NLGN1: variants seen among roughly 807,000 people sequenced by gnomAD.
NLGN1 encodes the protein neuroligin 1.
A neutral mutation model predicts 65.5 loss-of-function variants in NLGN1; 12 were observed. That is an observed-to-expected ratio of 0.18 (90% CI 0.12 to 0.30). The LOEUF (loss-of-function observed/expected upper bound fraction) is 0.30. Ranked by LOEUF, NLGN1 falls within the 10% of genes least tolerant of loss-of-function variation. The probability of loss-of-function intolerance (pLI) is 1.00; values close to 1 mark genes in which losing one functional copy is unlikely to be tolerated. For synonymous variants in NLGN1, 350 were observed against 359.5 expected, an observed-to-expected ratio of 0.97 and a Z score of 0.30; for missense variants, 750 against 1,007.1, an observed-to-expected ratio of 0.74 and a Z score of 3.46.
intron 3 of NLGN1, among the ~76,000 whole-genome samples, chr3:173,637,415 G>A (rs1219851933): frequency 1.3e-5 from 2 of 151,988 alleles, no homozygotes; most frequent in Non-Finnish European, 2.9e-5. Context: ...GACCCCTATT[G>A]GTGTGAATCA....
At chr3:173,839,991 C>G (rs186811232) in intron 4 of NLGN1, among the ~76,000 whole-genome samples, 4 of 152,254 alleles carry the variant, frequency 2.6e-5, no homozygotes, top group Admixed American at 2.6e-4. Context: ...GACATTTAAA[C>G]CTAGAGACAA....
At chr3:173,985,182 A>G (rs563860209) in intron 4 of NLGN1, among the ~76,000 whole-genome samples, 1 of 152,348 alleles carries the variant, frequency 6.6e-6, no homozygotes, top group East Asian at 1.9e-4. Flanking sequence ...AAACTCCACT[A>G]GCACAATAAC....
At chr3:174,274,549 A>C (rs1439622279) in intron 4 of NLGN1, among the ~76,000 whole-genome samples, 1 of 151,332 alleles carries the variant, frequency 6.6e-6, no homozygotes, top group African/African-American at 2.4e-5. Flanking sequence ...GATTCACCTC[A>C]TTTTCCTACT....
intron 1 of NLGN1, among the ~76,000 whole-genome samples, chr3:173,400,778 G>A (rs867078495): frequency 6.6e-6 from 1 of 152,064 alleles, no homozygotes. Flanking sequence ...CATGTCATTC[G>A]GAAATGATAG....
chr3:173,864,399 C>A (rs945737431), intron 4 of NLGN1, among the ~76,000 whole-genome samples: 1 of 152,124 alleles, frequency 6.6e-6, no homozygotes, highest in African/African-American at 2.4e-5. Flanking sequence ...TGACAAATTT[C>A]TTTCCCGTAA....
At chr3:174,069,259 G>A (rs1169800064) in intron 4 of NLGN1, among the ~76,000 whole-genome samples, 2 of 152,132 alleles carry the variant, frequency 1.3e-5, no homozygotes, top group Non-Finnish European at 2.9e-5. Context: ...GTGCATAAGA[G>A]GAATTTAACT....
At chr3:173,572,209 A>G (rs1440999959) in intron 2 of NLGN1, among the ~76,000 whole-genome samples, 2 of 152,188 alleles carry the variant, frequency 1.3e-5, no homozygotes, top group Non-Finnish European at 2.9e-5. Context: ...ACCTAGCCCC[A>G]GCTCCAGAGA....
At chr3:173,506,591 G>A (rs540875246) in intron 2 of NLGN1, among the ~76,000 whole-genome samples, 4 of 152,034 alleles carry the variant, frequency 2.6e-5, no homozygotes, top group African/African-American at 9.6e-5. Context: ...TGAAATTATG[G>A]TAGCTATTAA....
intron 4 of NLGN1, among the ~76,000 whole-genome samples, chr3:174,027,663 C>T (rs929982452): frequency 6.6e-6 from 1 of 152,054 alleles, no homozygotes; most frequent in African/African-American, 2.4e-5. Flanking sequence ...TCAAGTTTTG[C>T]CCCCAAATAT....
At chr3:173,776,599 G>C (rs1453380167) in intron 3 of NLGN1, among the ~76,000 whole-genome samples, 3 of 151,956 alleles carry the variant, frequency 2.0e-5, no homozygotes, top group Non-Finnish European at 4.4e-5. Flanking sequence ...AATTGCCTTT[G>C]CATGTCACAT....
intron 2 of NLGN1, among the ~76,000 whole-genome samples, chr3:173,508,820 G>A (rs1371893922): frequency 2.6e-5 from 4 of 152,164 alleles, no homozygotes; most frequent in Non-Finnish European, 2.9e-5. Flanking sequence ...GCCCTAGGGC[G>A]AATATGAGGG....
intron 4 of NLGN1, among the ~76,000 whole-genome samples, chr3:174,036,026 A>T (rs979208932): frequency 2.6e-5 from 4 of 152,196 alleles, no homozygotes; most frequent in African/African-American, 9.6e-5. Flanking sequence ...TTTACAATAA[A>T]GAGATAGATG....
At chr3:173,714,045 A>G (rs1769435054) in intron 3 of NLGN1, among the ~76,000 whole-genome samples, 1 of 152,162 alleles carries the variant, frequency 6.6e-6, no homozygotes, top group African/African-American at 2.4e-5. Flanking sequence ...GTTTGAATGC[A>G]AAGTGTAATA....
In NLGN1 at chr3:173,909,620, A is replaced by C. The variant is rs1438473916; in HGVS notation, c.646+101788A>C. Among the ~76,000 whole-genome samples the C allele has an allele frequency of 2.0e-5, 3 of 152,190 alleles. No individual in the cohort carries two copies. The East Asian group carries it at 5.8e-4, about 29-fold the overall frequency. On this transcript the variant is annotated intron_variant, in intron 4 of 6. Coordinates refer to ENST00000457714, the Ensembl canonical transcript of NLGN1. Reference sequence around the variant, plus strand: ...GTTACATTTAAGTATGGACTTCTCAAGGGAAGCTTCATTGCAACCACCCTC... The same window carrying C: ...GTTACATTTAAGTATGGACTTCTCACGGGAAGCTTCATTGCAACCACCCTC...
intron 3 of NLGN1, among the ~76,000 whole-genome samples, chr3:173,734,931 G>A (rs1196983091): frequency 6.6e-6 from 1 of 152,088 alleles, no homozygotes; most frequent in African/African-American, 2.4e-5. Flanking sequence ...CTTAGATTAT[G>A]TACAGGTCTC....
chr3:173,671,425 T>C (rs1560140228), intron 3 of NLGN1, among the ~76,000 whole-genome samples: 1 of 151,744 alleles, frequency 6.6e-6, no homozygotes, highest in Non-Finnish European at 1.5e-5. Context: ...GAGGCAACAG[T>C]GAACTGTGAT....
intron 4 of NLGN1, among the ~76,000 whole-genome samples, chr3:174,219,293 C>G (rs1738208215): frequency 6.6e-6 from 1 of 152,086 alleles, no homozygotes; most frequent in East Asian, 1.9e-4. Flanking sequence ...GGTTTGGATC[C>G]TGCTTCTTCC....
chr3:173,891,697 A>G (rs1353708766), intron 4 of NLGN1, among the ~76,000 whole-genome samples: 4 of 152,188 alleles, frequency 2.6e-5, no homozygotes, highest in African/African-American at 9.7e-5. Context: ...ATGAGCGGCC[A>G]CTGCTGAGGG....
chr3:174,243,541 A>G (rs566253056), intron 4 of NLGN1, among the ~76,000 whole-genome samples: 1 of 152,124 alleles, frequency 6.6e-6, no homozygotes, highest in Admixed American at 6.5e-5. Flanking sequence ...TTTCTTACAA[A>G]ATCTTAAAAA....
Sources: gnomAD v4.1 joint callset for allele counts (sites outside exome capture counted in the v4.1 genomes callset) on GRCh38, gnomAD v4.1.1 for gene constraint, MANE v1.5 for transcripts, NCBI Gene and HGNC (gene_info 2026-07-23, HGNC 2026-07-21) for gene names.